ROBO2: variants seen among roughly 807,000 people sequenced by gnomAD.
ROBO2 encodes roundabout homolog 2.
In ROBO2, 53 loss-of-function variants were observed where a neutral mutation model predicts 160.8. That is an observed-to-expected ratio of 0.33 (90% confidence interval 0.26 to 0.41). ROBO2 has a LOEUF of 0.41. Among genes scored for constraint, ROBO2 ranks in the 10% least tolerant of loss-of-function variants. The pLI, the probability that ROBO2 is intolerant of heterozygous loss-of-function variation, is 1.00. For synonymous variants in ROBO2, 664 were observed against 611.7 expected (o/e 1.09, Z -1.26); for missense variants, 1,577 against 1,722.4 (o/e 0.92, Z 1.49).
chr3:77,340,846 G>T (rs1286029368), intron 2 of ROBO2, among the ~76,000 whole-genome samples: 1 of 151,960 alleles, frequency 6.6e-6, no homozygotes, highest in Non-Finnish European at 1.5e-5. Flanking sequence ...AGAATAATTA[G>T]CTAACAATTT....
intron 6 of ROBO2, among the ~76,000 whole-genome samples, chr3:77,524,772 T>C (rs2090967391): frequency 6.6e-6 from 1 of 150,914 alleles, no homozygotes; most frequent in South Asian, 2.1e-4. Flanking sequence ...ATAGAGAGCA[T>C]TGTTTGTTTT....
At chr3:76,047,500 C>A (rs1465274650) in intron 2 of ROBO2, among the ~76,000 whole-genome samples, 1 of 152,158 alleles carries the variant, frequency 6.6e-6, no homozygotes, top group Non-Finnish European at 1.5e-5. Flanking sequence ...AGATTGACAG[C>A]ACTGTGGAGG....
intron 2 of ROBO2, among the ~76,000 whole-genome samples, chr3:76,482,163 G>C (rs1432417092): frequency 1.3e-5 from 2 of 152,050 alleles, no homozygotes; most frequent in Non-Finnish European, 2.9e-5. Context: ...ATAGAATCAC[G>C]CTCTGCAGGT....
exon 20 of ROBO2, chr3:77,602,416 A>C: frequency 1.2e-6 from 2 of 1,614,186 alleles, no homozygotes; most frequent in Non-Finnish European, 1.7e-6. Flanking sequence ...TCCACAATGG[A>C]AAAGCTCAAT....
chr3:76,526,703 C>G (rs547865609), intron 2 of ROBO2, among the ~76,000 whole-genome samples: 3 of 152,074 alleles, frequency 2.0e-5, no homozygotes, highest in East Asian at 3.9e-4. Context: ...ATTGTTGCAA[C>G]TCAACACAAA....
chr3:76,404,714 G>A (rs910082730), intron 2 of ROBO2, among the ~76,000 whole-genome samples: 1 of 151,476 alleles, frequency 6.6e-6, no homozygotes, highest in Admixed American at 6.6e-5. Context: ...GTGTGGGTTG[G>A]GAGTAGCTAT....
chr3:76,305,349 C>T lies in ROBO2; in HGVS notation c.109+367747C>T, dbSNP rs185810302. On this transcript the variant is annotated intron_variant, in intron 2 of 26. Transcript: ENST00000487694. ...GGGGCTACAGTGAGTCATGATCTCA[C>T]CACTGCACTTCAGCCTGGGTGACAG... is the stretch of plus-strand genomic sequence containing the variant. 6.6e-3 allele frequency among the ~76,000 whole-genome samples: 751 copies of T among 114,040 alleles called. 9 individuals are homozygous for T. Among genetic ancestry groups the T allele is most frequent in the African/African-American group, 0.022 (663 of 29,822 alleles). The allele number at this position is 114,040 out of a possible 152,430, so 74.8% of individuals were successfully genotyped here.
At chr3:77,530,647 A>G (rs149445130) in intron 6 of ROBO2, among the ~76,000 whole-genome samples, 33 of 152,124 alleles carry the variant, frequency 2.2e-4, no homozygotes, top group African/African-American at 7.9e-4. Flanking sequence ...GTGGGTCAGA[A>G]AGAGCTCTTT....
chr3:76,773,313 G>C (rs1306144973), intron 2 of ROBO2, among the ~76,000 whole-genome samples: 2 of 150,660 alleles, frequency 1.3e-5, no homozygotes, highest in African/African-American at 2.4e-5. Flanking sequence ...AAATTAAATT[G>C]TGACTTCATG....
At chr3:76,984,156 G>C (rs1192374778) in intron 2 of ROBO2, among the ~76,000 whole-genome samples, 1 of 152,130 alleles carries the variant, frequency 6.6e-6, no homozygotes, top group African/African-American at 2.4e-5. Flanking sequence ...CTTTCTCGTG[G>C]GGATTCTGGG....
At chr3:77,213,277 A>T (rs2084441696) in intron 2 of ROBO2, among the ~76,000 whole-genome samples, 1 of 151,962 alleles carries the variant, frequency 6.6e-6, no homozygotes, top group African/African-American at 2.4e-5. Flanking sequence ...GTCTATTCAG[A>T]GATTCAACTT....
At chr3:77,375,858 T>C (rs1361757965) in intron 2 of ROBO2, among the ~76,000 whole-genome samples, 1 of 149,266 alleles carries the variant, frequency 6.7e-6, no homozygotes, top group Admixed American at 6.7e-5. Context: ...GAAAAAATAG[T>C]ACTGAAGTGC....
chr3:76,862,514 G>A (rs2070896417), intron 2 of ROBO2, among the ~76,000 whole-genome samples: 1 of 152,084 alleles, frequency 6.6e-6, no homozygotes, highest in African/African-American at 2.4e-5. Context: ...GGCAGTCTTG[G>A]AGAAATAGGA....
chr3:76,021,210 G>A (rs967167656), intron 2 of ROBO2, among the ~76,000 whole-genome samples: 1 of 151,734 alleles, frequency 6.6e-6, no homozygotes, highest in African/African-American at 2.4e-5. Context: ...GCCTAGATTG[G>A]AGGAAGGTCA....
At chr3:77,601,175 TAA>T (rs1183967276) in intron 19 of ROBO2, among the ~76,000 whole-genome samples, 1 of 152,190 alleles carries the variant, frequency 6.6e-6, no homozygotes, top group African/African-American at 2.4e-5. Flanking sequence ...TCAGCTAATC[TAA>T]AAGTTTTAAG....
At chr3:76,869,434 C>T (rs1271290840) in intron 2 of ROBO2, among the ~76,000 whole-genome samples, 1 of 144,520 alleles carries the variant, frequency 6.9e-6, no homozygotes, top group African/African-American at 2.6e-5. Context: ...ACTGCAAGCT[C>T]CGCCTCCCGG....
intron 2 of ROBO2, among the ~76,000 whole-genome samples, chr3:76,695,883 T>A (rs1320094542): frequency 6.6e-6 from 1 of 152,182 alleles, no homozygotes; most frequent in African/African-American, 2.4e-5. Flanking sequence ...CAATAAGATA[T>A]GGATATCCAG....
intron 2 of ROBO2, among the ~76,000 whole-genome samples, chr3:77,280,454 C>T (rs537463641): frequency 2.3e-4 from 35 of 152,216 alleles, no homozygotes; most frequent in African/African-American, 8.4e-4. Flanking sequence ...ATCCAATAGG[C>T]AACTGAGGAC....
At chr3:76,014,782 G>A (rs1055278659) in intron 2 of ROBO2, among the ~76,000 whole-genome samples, 4 of 152,178 alleles carry the variant, frequency 2.6e-5, no homozygotes, top group African/African-American at 9.7e-5. Flanking sequence ...TTAAAAGTTG[G>A]CTGGGTGCAG....
Sources: allele counts gnomAD v4.1 joint callset (sites outside exome capture counted in the v4.1 genomes callset), GRCh38; gene constraint gnomAD v4.1.1; transcripts MANE v1.5; gene names NCBI Gene and HGNC (gene_info 2026-07-23, HGNC 2026-07-21).